Variants in EIF3D observed in about 807,000 individuals in gnomAD.
EIF3D encodes eIF3 p66.
A neutral mutation model predicts 75.4 loss-of-function variants in EIF3D; 10 were observed. That is an observed-to-expected ratio of 0.13 (90% CI 0.08 to 0.22). The LOEUF is 0.22. EIF3D is among the 10% of genes least tolerant of loss of function. The probability of loss-of-function intolerance (pLI) is 1.00; values close to 1 mark genes in which losing one functional copy is unlikely to be tolerated. For missense variants in EIF3D, 394 were observed against 708.0 expected (o/e 0.56, Z 5.03); for synonymous variants, 246 against 248.3 (o/e 0.99, Z 0.09).
At chr22:36,511,887 A>C in intron 13 of EIF3D, 101 bp from the exon 14 acceptor site, 1 of 1,330,476 alleles carries the variant, frequency 7.5e-7, no homozygotes, top group Non-Finnish European at 9.8e-7. Flanking sequence ...GTCCACTGCT[A>C]TTTTTTCTTT....
At chr22:36,515,927 TAGA>T (rs1934418939) in intron 12 of EIF3D, 1 of 151,232 alleles carries the variant, frequency 6.6e-6, no homozygotes, top group Admixed American at 6.6e-5. Context: ...GGGGTGGAAA[TAGA>T]GGAGGAAAAG....
intron 12 of EIF3D, chr22:36,512,824 C>A (rs1176351512): frequency 3.8e-6 from 2 of 523,290 alleles, no homozygotes; most frequent in Non-Finnish European, 6.8e-6. Context: ...TCTAAAAGCT[C>A]GCCTAGACAG....
At chr22:36,525,551 A>G in intron 3 of EIF3D, 113 bp downstream of exon 3, 1 of 1,203,424 alleles carries the variant, frequency 8.3e-7, no homozygotes, top group Non-Finnish European at 1.2e-6. Context: ...AAAGTTATGA[A>G]TTATTGTTGG....
intron 2 of EIF3D, 122 bp downstream of exon 2, chr22:36,525,877 C>T: frequency 6.7e-7 from 1 of 1,490,200 alleles, no homozygotes; most frequent in Non-Finnish European, 9.0e-7. Flanking sequence ...GATAACCTTT[C>T]TCAGCTGGCA....
intron 1 of EIF3D, among the ~76,000 whole-genome samples, chr22:36,526,585 C>G (rs548394323): frequency 4.6e-5 from 7 of 151,916 alleles, no homozygotes; most frequent in South Asian, 2.1e-4. Context: ...CTCAACTTCC[C>G]TAAGACTTAG....
At chr22:36,524,520 CA>C in intron 4 of EIF3D, 75 bp downstream of exon 4, 4 of 1,596,938 alleles carry the variant, frequency 2.5e-6, no homozygotes, top group Non-Finnish European at 3.4e-6. Context: ...TTAGGAGTCA[CA>C]AGGTAGCATT....
At chr22:36,516,901 G>GC (rs1934436733) in intron 10 of EIF3D, 111 bp from the exon 11 acceptor site, 1 of 980,304 alleles carries the variant, frequency 1.0e-6, no homozygotes, top group Admixed American at 1.9e-5. Flanking sequence ...GGTTCCTGGG[G>GC]CCCTTGATGG....
At chr22:36,516,977 T>A in intron 10 of EIF3D, 187 bp from the exon 11 acceptor site, 1 of 630,370 alleles carries the variant, frequency 1.6e-6, no homozygotes, top group Non-Finnish European at 2.8e-6. Flanking sequence ...CCTGATGAAT[T>A]AGAACAATGA....
Position 36,510,954 on chromosome 22 carries a change from TGGAA to T in EIF3D, c.*29_*32del. On this transcript the variant is annotated 3_prime_UTR_variant, in exon 15 of 15. Transcript: ENST00000216190. Reference sequence around the variant, plus strand: ...GCATCAAAGGCCCTCGTAGTCTCGGTGGAAGGACAAACTCCAGCTCCACATCACT... The same window carrying T: ...GCATCAAAGGCCCTCGTAGTCTCGGTGGACAAACTCCAGCTCCACATCACT... 1 of 1,597,208 alleles carries T rather than the reference TGGAA, an allele frequency of 6.3e-7. No individual in the cohort carries two copies. Among genetic ancestry groups the T allele is most frequent in the South Asian group, 1.1e-5 (1 of 89,090 alleles).
intron 1 of EIF3D, 130 bp from the exon 2 acceptor site, chr22:36,526,261 C>A: frequency 1.0e-6 from 1 of 957,260 alleles, no homozygotes; most frequent in South Asian, 2.3e-5. Context: ...GAACCCTCAA[C>A]TGTTGAGCGA....
intron 14 of EIF3D, chr22:36,511,268 C>A: frequency 1.1e-6 from 1 of 879,668 alleles, no homozygotes. Flanking sequence ...TCATCTTCCT[C>A]TACCTCTGCC....
At chr22:36,527,131 G>A (rs956739876) in intron 1 of EIF3D, among the ~76,000 whole-genome samples, 2 of 152,182 alleles carry the variant, frequency 1.3e-5, no homozygotes, top group East Asian at 3.8e-4. Flanking sequence ...CTGCCAGAGG[G>A]CCAAGGAGGT....
chr22:36,523,390 C>A, intron 5 of EIF3D, 109 bp from the exon 6 acceptor site: 1 of 835,770 alleles, frequency 1.2e-6, no homozygotes. Flanking sequence ...CCACTAACTC[C>A]TTTAAACTAC....
Position 36,524,711 on chromosome 22 carries a change from C to T in EIF3D, c.191G>A (p.Gly64Asp), listed in dbSNP as rs763304605. ...GAAATAAGCATATTGACTTCCACCA[C>T]CAAACTGAGAGGAGTACTTATCTGG... The part of the protein sequence containing the change: ...RYTNKYSSQF[G>D]GGSQYAYFHE... Residue 64 changes from glycine (G) to aspartate (D), a missense_variant, in exon 4 of 15, where the codon GGT becomes GAT. Physicochemically the swap from Gly to Asp is moderately conservative, Grantham distance 94. Coordinates refer to ENST00000216190, the MANE Select transcript of EIF3D (RefSeq NM_003753.4). 1.2e-6 allele frequency: 2 copies of T among 1,614,214 alleles called. No homozygotes were observed. The highest frequency in any genetic ancestry group is 1.7e-6 in the Non-Finnish European group (2 of 1,180,048).
At position 36,529,146 on chromosome 22, in the gene EIF3D, CTT is replaced by C. The variant is rs1387154557; in HGVS notation, c.-83_-82del. 1 of 396,882 alleles carries C rather than the reference CTT, an allele frequency of 2.5e-6. No homozygotes were observed. Among genetic ancestry groups the C allele is most frequent in the Non-Finnish European group, 4.4e-6 (1 of 225,182 alleles). The allele number at this position is 396,882 out of a possible 1,614,324, so 24.6% of individuals were successfully genotyped here. ...CGGGGACCGCGTTAGCAGCAGCACT[CTT>C]GAGAAACCAGGAAAAGAGGAAACAT... is the stretch of plus-strand genomic sequence containing the variant. On this transcript the variant is annotated 5_prime_UTR_variant, in exon 1 of 15. Transcript: ENST00000216190.
chr22:36,513,190 T>C (rs945087968), intron 12 of EIF3D, among the ~76,000 whole-genome samples: 1 of 152,158 alleles, frequency 6.6e-6, no homozygotes, highest in Admixed American at 6.5e-5. Flanking sequence ...ACGTGGGAAG[T>C]TGGACCCAGA....
At chr22:36,512,744 C>T in intron 12 of EIF3D, 142 bp from the exon 13 acceptor site, 1 of 937,068 alleles carries the variant, frequency 1.1e-6, no homozygotes, top group Non-Finnish European at 1.6e-6. Context: ...ATTTAAGAGA[C>T]AAAGACATAG....
chr22:36,516,395 T>C (rs2145871262), intron 12 of EIF3D, 83 bp downstream of exon 12: 1 of 1,511,662 alleles, frequency 6.6e-7, no homozygotes. Context: ...AGAAACAGTT[T>C]ATACAACCTA....
Position 36,526,107 on chromosome 22 carries a change from C to A in EIF3D, c.15G>T (p.Met5Ile). Residue 5 changes from methionine (M) to isoleucine (I), a missense_variant, in exon 2 of 15, where the codon ATG becomes ATT. Coordinates refer to ENST00000216190, the MANE Select transcript of EIF3D (RefSeq NM_003753.4). MAKF[M>I]TPVIQDNPSG... The stretch of plus-strand genomic sequence containing the variant: ...AGGGGTTGTCCTGGATCACGGGTGT[C>A]ATGAACTTTGCCATCTTCCAAAATC... 1.2e-6 allele frequency: 2 copies of A among 1,606,618 alleles called. No individual in the cohort carries two copies. The highest frequency in any genetic ancestry group is 2.2e-5 in the South Asian group (2 of 90,068).
Sources: gnomAD v4.1 joint callset for allele counts (sites outside exome capture counted in the v4.1 genomes callset) on GRCh38, gnomAD v4.1.1 for gene constraint, MANE v1.5 for transcripts, NCBI Gene and HGNC (gene_info 2026-07-23, HGNC 2026-07-21) for gene names.